DHRS4L2: variants seen among roughly 807,000 people sequenced by gnomAD.
DHRS4L2 encodes dehydrogenase/reductase 4 like 2.
DHRS4L2 carries 22 observed loss-of-function variants against 23.9 expected under a neutral mutation model. The ratio of observed to expected loss-of-function variants is 0.92; its 90% CI spans 0.66 to 1.31. DHRS4L2 has a LOEUF of 1.31. DHRS4L2 is among the 40% of genes most tolerant of loss of function. The pLI, the probability that DHRS4L2 is intolerant of heterozygous loss-of-function variation, is 0.00. For synonymous variants in DHRS4L2, 141 were observed against 123.7 expected (o/e 1.14, Z -0.93); for missense variants, 385 against 303.3 (o/e 1.27, Z -2.00).
chr14:23,978,169 G>A lies in DHRS4L2; in HGVS notation c.-176+7837G>A, dbSNP rs190457506. 6.7e-4 allele frequency among the ~76,000 whole-genome samples: 102 copies of A among 151,132 alleles called. 6 individuals are homozygous for A. The highest frequency in any genetic ancestry group is 2.4e-3 in the African/African-American group (100 of 40,922). ...TCATAGCCATCAATTTAAAACTTTG[G>A]CCCAGCGTACAAATGTATTTGTACC... On this transcript the variant is annotated intron_variant, in intron 1 of 5. Transcript: ENST00000534993.
At chr14:23,972,761 A>G (rs1351869004) in intron 1 of DHRS4L2, among the ~76,000 whole-genome samples, 1 of 152,030 alleles carries the variant, frequency 6.6e-6, no homozygotes, top group Non-Finnish European at 1.5e-5. Flanking sequence ...ATTGATTATT[A>G]TCGTCATTAT....
rs557931681 is a variant in DHRS4L2, at chr14:23,991,521, C to T, written c.306+1162C>T. On this transcript the variant is annotated intron_variant, in intron 2 of 7. Transcript: ENST00000335125. ...CTTAACATGGCCTACAGGCCTGGCC[C>T]AGAAGTGGTACTTGAGCTAAACCTT... 4.6e-5 allele frequency among the ~76,000 whole-genome samples: 7 copies of T among 151,834 alleles called. No homozygotes were observed. The South Asian group carries it at 1.5e-3, about 32-fold the overall frequency.
At chr14:23,970,704 A>G (rs1180792226) in intron 1 of DHRS4L2, among the ~76,000 whole-genome samples, 1 of 152,026 alleles carries the variant, frequency 6.6e-6, no homozygotes, top group Non-Finnish European at 1.5e-5. Flanking sequence ...TTGACTGAAA[A>G]ACACCGACCA....
At chr14:23,978,018 C>T (rs2033999757) in intron 1 of DHRS4L2, among the ~76,000 whole-genome samples, 1 of 151,588 alleles carries the variant, frequency 6.6e-6, no homozygotes, top group African/African-American at 2.4e-5. Context: ...TGACTGCATT[C>T]CTTTGGATTT....
rs146938082 is a variant in DHRS4L2, at chr14:24,001,052, G to A, written c.499G>A (p.Val167Met). The change falls in exon 5 of 8, where the codon GTG (valine) becomes ATG (methionine). Residue 167 changes from valine to methionine, a missense_variant. Physicochemically the swap from Val to Met is conservative, Grantham distance 21 (BLOSUM62 1). Transcript: ENST00000335125. ...EKRGGGSVVI[V>M]SSIAAFSPSP... ...TTCCAGAGGCGGCTCAGTGGTGATC[G>A]TGTCTTCCATAGCAGCCTTCAGTCC... The A allele has an allele frequency of 4.5e-5, 73 of 1,611,226 alleles. 2 individuals are homozygous for A. The highest frequency in any genetic ancestry group is 5.5e-5 in the South Asian group (5 of 90,960).
intron 1 of DHRS4L2, among the ~76,000 whole-genome samples, chr14:23,970,808 C>G (rs2033841046): frequency 1.3e-5 from 2 of 151,998 alleles, no homozygotes; most frequent in South Asian, 4.2e-4. Context: ...TGTTCTGCAG[C>G]CTCCTCTACT....
rs146374013 is a variant in DHRS4L2 at position 23,977,890 on chromosome 14, A to T, written c.-176+7558A>T. Among the ~76,000 whole-genome samples, 10 of 151,786 alleles carry T rather than the reference A, an allele frequency of 6.6e-5. No individual in the cohort carries two copies. In the East Asian group the frequency reaches 1.7e-3, roughly 26 times the overall value. On this transcript the variant is annotated intron_variant, in intron 1 of 5. Transcript: ENST00000534993. ...TTCCCAAAAATAAACACTGCGTATA[A>T]CTGATCAAATGGCTGTAACTATGTG...
chr14:23,976,944 G>C (rs1267202482), intron 1 of DHRS4L2, among the ~76,000 whole-genome samples: 1 of 151,006 alleles, frequency 6.6e-6, no homozygotes, highest in African/African-American at 2.4e-5. Context: ...TCACACACCA[G>C]GGTCTGTTGG....
chr14:24,001,957 C>CTTG (rs2034497756), intron 6 of DHRS4L2, among the ~76,000 whole-genome samples: 4 of 5,514 alleles, frequency 7.3e-4, no homozygotes, highest in Non-Finnish European at 8.9e-4. Context: ...CTTTCCTCTT[C>CTTG]TTTTTTTTTT....
At chr14:23,978,127 T>C (rs1258041014) in intron 1 of DHRS4L2, among the ~76,000 whole-genome samples, 1 of 151,514 alleles carries the variant, frequency 6.6e-6, no homozygotes, top group African/African-American at 2.4e-5. Flanking sequence ...CAAATCTTTT[T>C]TAAGGTAATT....
chr14:23,985,754 GC>G (rs1480278062), upstream of DHRS4L2, among the ~76,000 whole-genome samples: 1 of 150,602 alleles, frequency 6.6e-6, no homozygotes, highest in African/African-American at 2.4e-5. Flanking sequence ...TCCTTCTGTT[GC>G]CCAGGCTGGA....
chr14:23,976,648 T>A (rs1047164280), intron 1 of DHRS4L2, among the ~76,000 whole-genome samples: 14 of 151,750 alleles, frequency 9.2e-5, no homozygotes, highest in Non-Finnish European at 5.9e-5. Flanking sequence ...TAAAGACACA[T>A]ACACACATAT....
intron 1 of DHRS4L2, among the ~76,000 whole-genome samples, chr14:23,973,026 T>C (rs964421918): frequency 8.6e-5 from 13 of 151,932 alleles, no homozygotes; most frequent in African/African-American, 2.7e-4. Flanking sequence ...ATTGAACAAA[T>C]GTACAATCGG....
In DHRS4L2 at chr14:23,990,058, C is replaced by T. The variant is rs541442184; in HGVS notation, c.129-124C>T. The T allele has an allele frequency of 4.6e-5, 67 of 1,449,644 alleles. 4 individuals carry two copies. The African/African-American group carries it at 9.0e-4, about 19-fold the overall frequency. The allele number at this position is 1,449,644 out of a possible 1,614,324, so 89.8% of individuals were successfully genotyped here. On this transcript the variant is annotated intron_variant, in intron 1 of 7. Transcript: ENST00000335125. ...AAGCCTGTTTTACACATAGTAGGCACACGTAGGAGTTATATAGAGAAAGAG... is the reference window on the plus strand; with the variant it reads ...AAGCCTGTTTTACACATAGTAGGCATACGTAGGAGTTATATAGAGAAAGAG...
chr14:24,005,910 T>G lies in DHRS4L2; in HGVS notation c.*47T>G, dbSNP rs1453491961. On this transcript the variant is annotated 3_prime_UTR_variant, in exon 8 of 8. Transcript: ENST00000335125. ...GGTTAGGCGAGCCAGAGGATTGTGCTGGCATCGTGTCTTTCCTGTGCTCTG... is the reference window on the plus strand; with the variant it reads ...GGTTAGGCGAGCCAGAGGATTGTGCGGGCATCGTGTCTTTCCTGTGCTCTG... 6.2e-7 allele frequency: 1 copy of G among 1,605,964 alleles called. No individual in the cohort carries two copies. Among genetic ancestry groups the G allele is most frequent in the Non-Finnish European group, 8.5e-7 (1 of 1,176,588 alleles).
upstream of DHRS4L2, chr14:23,988,881 C>T (rs1385345479): frequency 2.2e-5 from 35 of 1,580,714 alleles, no homozygotes; most frequent in Non-Finnish European, 2.8e-5. Flanking sequence ...GCCCTTCGTC[C>T]TGCCCCTTCG....
At chr14:23,972,535 C>T (rs1037412273) in intron 1 of DHRS4L2, among the ~76,000 whole-genome samples, 6 of 151,942 alleles carry the variant, frequency 3.9e-5, no homozygotes, top group Admixed American at 6.6e-5. Context: ...AAAGCTTCCA[C>T]AGTGTGGAAG....
Position 23,990,234 on chromosome 14 carries a change from G to A in DHRS4L2, c.181G>A (p.Val61Ile), listed in dbSNP as rs45579231. 3.1e-5 allele frequency: 50 copies of A among 1,612,858 alleles called. 1 individual carries two copies. Among genetic ancestry groups the A allele is most frequent in the South Asian group, 5.5e-5 (5 of 90,928 alleles). ...RLAQDRAHVV[V>I]SSRKQQNVDQ... is the part of the protein sequence containing the mutation. ...GGCCCAGGACAGGGCCCACGTGGTCGTCAGCAGCCGGAAGCAGCAGAATGT... is the reference window on the plus strand; with the variant it reads ...GGCCCAGGACAGGGCCCACGTGGTCATCAGCAGCCGGAAGCAGCAGAATGT... Residue 61 changes from valine (V) to isoleucine (I), a missense_variant, in exon 2 of 8, where the codon GTC (valine) becomes ATC (isoleucine). Val to Ile is a conservative substitution (Grantham distance 29). Coordinates refer to ENST00000335125, the MANE Select transcript of DHRS4L2 (RefSeq NM_198083.4).
At chr14:24,001,304 G>T (rs1409337742) in intron 5 of DHRS4L2, 80 bp from the exon 6 acceptor site, 2 of 1,576,970 alleles carry the variant, frequency 1.3e-6, no homozygotes, top group African/African-American at 2.9e-5. Context: ...TCCCTACTGA[G>T]CACTGCCCTC....
Sources: gnomAD v4.1 joint callset for allele counts (sites outside exome capture counted in the v4.1 genomes callset) on GRCh38, gnomAD v4.1.1 for gene constraint, MANE v1.5 for transcripts, NCBI Gene and HGNC (gene_info 2026-07-23, HGNC 2026-07-21) for gene names.